KCNQ1: variants seen among roughly 807,000 people sequenced by gnomAD.
KCNQ1 encodes the protein potassium voltage-gated channel subfamily Q member 1, also known as potassium voltage-gated channel subfamily KQT member 1.
In KCNQ1, 49 loss-of-function variants were observed where a neutral mutation model predicts 72.4. That is an observed-to-expected ratio of 0.68 (90% CI 0.54 to 0.86). The LOEUF (loss-of-function observed/expected upper bound fraction) is 0.86. Ranked by LOEUF, KCNQ1 falls within the 40% of genes least tolerant of loss-of-function variation. The pLI is 0.00. For synonymous variants in KCNQ1, 450 were observed against 412.6 expected, an observed-to-expected ratio of 1.09 and a Z score of -1.10; for missense variants, 790 against 945.1, an observed-to-expected ratio of 0.84 and a Z score of 2.15.
intron 2 of KCNQ1, among the ~76,000 whole-genome samples, chr11:2,539,727 C>T (rs1346247406): frequency 4.6e-5 from 7 of 152,228 alleles, no homozygotes; most frequent in Admixed American, 3.3e-4. Context: ...GGGGGTGCGC[C>T]TGCTGCAGGG....
intron 11 of KCNQ1, among the ~76,000 whole-genome samples, chr11:2,714,032 C>T (rs1217273530): frequency 2.0e-5 from 3 of 152,182 alleles, no homozygotes; most frequent in South Asian, 2.1e-4. Flanking sequence ...GCCTGCAGCC[C>T]TCCCCCACAC....
intron 1 of KCNQ1, among the ~76,000 whole-genome samples, chr11:2,469,277 CTTTAT>C (rs951564704): frequency 7.4e-6 from 1 of 134,768 alleles, no homozygotes; most frequent in African/African-American, 2.8e-5. Context: ...TTTTTTTTTT[CTTTAT>C]TTTGAGAGAG....
At chr11:2,521,183 T>C (rs927695862) in intron 1 of KCNQ1, among the ~76,000 whole-genome samples, 1 of 152,010 alleles carries the variant, frequency 6.6e-6, no homozygotes, top group Admixed American at 6.6e-5. Context: ...AAAACTTCTC[T>C]CCCAAACTGA....
Position 2,661,596 on chromosome 11 carries a change from C to T in KCNQ1, c.1394-365C>T, listed in dbSNP as rs183549617. ...TGGTGGTGGGAGCTGTTGTCCCTTA[C>T]CAGGCCTGTGCCTGTCACCTCTGTT... On this transcript the variant is annotated intron_variant, in intron 10 of 15. Transcript: ENST00000155840. This position sits in a 1 kb window ranked among gnomAD's most constrained non-coding sequence, Gnocchi z 5.9. 132 of 571,090 alleles carry T rather than the reference C, an allele frequency of 2.3e-4. 1 individual carries two copies. Among genetic ancestry groups the T allele is most frequent in the African/African-American group, 2.0e-3 (105 of 53,684 alleles). The allele number at this position is 571,090 out of a possible 1,614,324, so 35.4% of individuals were successfully genotyped here. A position where few individuals can be genotyped will look rare whatever the true frequency, so the allele number is the denominator to read the frequency against.
intron 1 of KCNQ1, among the ~76,000 whole-genome samples, chr11:2,518,272 G>A (rs1037869882): frequency 2.0e-5 from 3 of 152,258 alleles, no homozygotes; most frequent in African/African-American, 7.2e-5. Flanking sequence ...CTGAGAGCCT[G>A]GCAGGGAAGC....
intron 10 of KCNQ1, chr11:2,649,767 CAGAG>C (rs1849729380): frequency 2.5e-6 from 1 of 398,408 alleles, no homozygotes; most frequent in South Asian, 1.3e-4. Context: ...AAATGTGCCT[CAGAG>C]AGGCCCTTTT....
intron 2 of KCNQ1, among the ~76,000 whole-genome samples, chr11:2,528,368 G>A (rs1304649091): frequency 2.6e-5 from 4 of 152,188 alleles, no homozygotes. Flanking sequence ...GTGTCCCTGG[G>A]GTCTGGGTGA....
In KCNQ1 at chr11:2,645,930, T is replaced by G. The variant is rs1849658781; in HGVS notation, c.1394-16031T>G. 2 of 398,624 alleles carry G rather than the reference T, an allele frequency of 5.0e-6. No individual in the cohort carries two copies. The highest frequency in any genetic ancestry group is 7.1e-5 in the East Asian group (2 of 28,078). The allele number at this position is 398,624 out of a possible 1,614,324, so 24.7% of individuals were successfully genotyped here. Reference sequence around the variant, plus strand: ...CATTTCACAGTCTGTAGGTAGCCTCTTGTTAGTCTCAAGGCATCTATGGGT... The same window carrying G: ...CATTTCACAGTCTGTAGGTAGCCTCGTGTTAGTCTCAAGGCATCTATGGGT... On this transcript the variant is annotated intron_variant, in intron 10 of 15. Transcript: ENST00000155840. This position sits in a 1 kb window ranked among gnomAD's most constrained non-coding sequence, Gnocchi z 5.8.
chr11:2,694,188 G>C, intron 11 of KCNQ1: 1 of 398,666 alleles, frequency 2.5e-6, no homozygotes, highest in Non-Finnish European at 4.4e-6. Context: ...CCTGGGCCAG[G>C]GTCTTTCTCA....
Position 2,627,515 on chromosome 11 carries a change from T to C in KCNQ1, c.1394-34446T>C. 1 of 398,562 alleles carries C rather than the reference T, an allele frequency of 2.5e-6. No individual in the cohort carries two copies. The highest frequency in any genetic ancestry group is 4.4e-6 in the Non-Finnish European group (1 of 226,046). 24.7% of individuals were successfully genotyped at this position (398,562 alleles called of 1,614,324 possible). On this transcript the variant is annotated intron_variant, in intron 10 of 15. Coordinates refer to ENST00000155840, the MANE Select transcript of KCNQ1 (RefSeq NM_000218.3). The surrounding 1 kb of genome is among the most constrained non-coding windows in gnomAD (Gnocchi z 4.9). ...ACTCTCCGTTTCTCTGAGTTCAAGC[T>C]TTTTAGAATTCCATATGTAACTGGG...
chr11:2,701,882 G>T (rs185597596), intron 11 of KCNQ1, among the ~76,000 whole-genome samples: 1 of 152,236 alleles, frequency 6.6e-6, no homozygotes, highest in Non-Finnish European at 1.5e-5. Flanking sequence ...TCATTTCCCC[G>T]CCTGTAGGAT....
chr11:2,628,080 G>A, intron 10 of KCNQ1: 2 of 398,550 alleles, frequency 5.0e-6, no homozygotes, highest in Non-Finnish European at 8.8e-6. Context: ...CTTGACTACT[G>A]TAACACTACA....
intron 10 of KCNQ1, chr11:2,649,547 G>A (rs1197298078): frequency 2.5e-6 from 1 of 398,508 alleles, no homozygotes; most frequent in Non-Finnish European, 4.4e-6. Context: ...CATTTCTGAA[G>A]GATAGCTTTG....
At chr11:2,501,007 G>A (rs891735857) in intron 1 of KCNQ1, among the ~76,000 whole-genome samples, 1 of 152,086 alleles carries the variant, frequency 6.6e-6, no homozygotes, top group African/African-American at 2.4e-5. Flanking sequence ...ATGTACCCCA[G>A]AACTTATAAA....
chr11:2,800,176 C>G (rs1847230866), intron 15 of KCNQ1, among the ~76,000 whole-genome samples: 1 of 152,220 alleles, frequency 6.6e-6, no homozygotes, highest in African/African-American at 2.4e-5. Context: ...GCCAGGAGGT[C>G]ACAGATCTGG....
chr11:2,521,967 T>C (rs1425219083), intron 1 of KCNQ1, among the ~76,000 whole-genome samples: 1 of 152,212 alleles, frequency 6.6e-6, no homozygotes, highest in Admixed American at 6.5e-5. Context: ...GCCCGCTGCC[T>C]GCACCCCGGG....
At chr11:2,520,657 C>G (rs1046191765) in intron 1 of KCNQ1, among the ~76,000 whole-genome samples, 1 of 152,164 alleles carries the variant, frequency 6.6e-6, no homozygotes, top group Non-Finnish European at 1.5e-5. Context: ...GCCCTGGAGC[C>G]GGCAGCCACA....
intron 11 of KCNQ1, chr11:2,696,602 A>C (rs1850680614): frequency 7.5e-6 from 3 of 398,544 alleles, no homozygotes; most frequent in Non-Finnish European, 8.8e-6. Context: ...CAAGCCCTCC[A>C]ACTGGAAGTT....
intron 1 of KCNQ1, among the ~76,000 whole-genome samples, chr11:2,480,190 C>A (rs1352193107): frequency 6.6e-6 from 1 of 152,214 alleles, no homozygotes; most frequent in Non-Finnish European, 1.5e-5. Flanking sequence ...TGTCCAACCT[C>A]TGCCTCTTAC....
Sources: gnomAD v4.1 joint callset for allele counts (sites outside exome capture counted in the v4.1 genomes callset) on GRCh38, gnomAD v4.1.1 for gene constraint, Gnocchi (gnomAD v3.1) non-coding constraint, MANE v1.5 for transcripts, NCBI Gene and HGNC (gene_info 2026-07-23, HGNC 2026-07-21) for gene names.